Variants in ROBO2 observed in about 807,000 individuals in gnomAD.
ROBO2 encodes the protein roundabout homolog 2.
A neutral mutation model predicts 160.8 loss-of-function variants in ROBO2; 53 were observed. That is an observed-to-expected ratio of 0.33 (90% CI 0.26 to 0.41). The LOEUF (loss-of-function observed/expected upper bound fraction) is 0.41. ROBO2 is among the 10% of genes least tolerant of loss of function. The pLI is 1.00. For missense variants in ROBO2, 1,577 were observed against 1,722.4 expected, an observed-to-expected ratio of 0.92 and a Z score of 1.49; for synonymous variants, 664 against 611.7, an observed-to-expected ratio of 1.09 and a Z score of -1.26.
chr3:76,682,702 G>A (rs1007621613), intron 2 of ROBO2, among the ~76,000 whole-genome samples: 11 of 152,064 alleles, frequency 7.2e-5, no homozygotes, highest in Non-Finnish European at 1.5e-4. Flanking sequence ...CACGGTGCCC[G>A]GCCCAAAAAT....
intron 2 of ROBO2, among the ~76,000 whole-genome samples, chr3:76,236,429 T>C (rs1704949262): frequency 6.6e-6 from 1 of 152,142 alleles, no homozygotes; most frequent in Non-Finnish European, 1.5e-5. Context: ...TGAGGGTCAA[T>C]TTTTACACAT....
At chr3:76,088,298 A>G (rs899211171) in intron 2 of ROBO2, among the ~76,000 whole-genome samples, 6 of 152,062 alleles carry the variant, frequency 3.9e-5, no homozygotes, top group African/African-American at 1.4e-4. Flanking sequence ...ATACCCTACT[A>G]CCATAAATGG....
chr3:76,658,252 G>T (rs1410671426), intron 2 of ROBO2, among the ~76,000 whole-genome samples: 2 of 151,414 alleles, frequency 1.3e-5, no homozygotes, highest in East Asian at 1.9e-4. Flanking sequence ...TCTTCCAGAT[G>T]ATTTTTTCTA....
intron 2 of ROBO2, among the ~76,000 whole-genome samples, chr3:77,180,245 G>GA (rs1193592688): frequency 2.0e-5 from 3 of 151,446 alleles, no homozygotes; most frequent in Admixed American, 6.6e-5. Flanking sequence ...CCCAAGTCTA[G>GA]AAAAAAACAC....
intron 2 of ROBO2, among the ~76,000 whole-genome samples, chr3:76,807,219 T>G (rs2064798363): frequency 6.6e-6 from 1 of 152,058 alleles, no homozygotes; most frequent in Non-Finnish European, 1.5e-5. Flanking sequence ...AAATTATTTA[T>G]TTTTCAGCAT....
chr3:77,165,463 C>A (rs942507240), intron 2 of ROBO2, among the ~76,000 whole-genome samples: 14 of 148,620 alleles, frequency 9.4e-5, no homozygotes, highest in African/African-American at 3.5e-4. Flanking sequence ...AAACCAGAGA[C>A]CTTTGTTCAC....
intron 1 of ROBO2, among the ~76,000 whole-genome samples, chr3:77,072,617 A>G (rs1411348038): frequency 6.6e-6 from 1 of 152,164 alleles, no homozygotes; most frequent in Non-Finnish European, 1.5e-5. Context: ...TCTTCCTGTT[A>G]TATCCCCCTT....
chr3:77,134,654 C>A (rs764724326), intron 2 of ROBO2, among the ~76,000 whole-genome samples: 2 of 152,122 alleles, frequency 1.3e-5, no homozygotes, highest in Non-Finnish European at 2.9e-5. Context: ...CTTCTGAAAC[C>A]CTTTCAGCAC....
chr3:77,216,996 A>T (rs2085061491), intron 2 of ROBO2, among the ~76,000 whole-genome samples: 1 of 152,162 alleles, frequency 6.6e-6, no homozygotes, highest in Non-Finnish European at 1.5e-5. Context: ...CAAGTAATTG[A>T]TGTTAGAGCT....
At chr3:76,810,197 G>A (rs976956275) in intron 2 of ROBO2, among the ~76,000 whole-genome samples, 1 of 151,994 alleles carries the variant, frequency 6.6e-6, no homozygotes, top group Non-Finnish European at 1.5e-5. Context: ...CCATATTGGA[G>A]GGCAGAGAAA....
intron 2 of ROBO2, among the ~76,000 whole-genome samples, chr3:76,928,944 T>G (rs1451525820): frequency 3.9e-5 from 6 of 152,158 alleles, no homozygotes; most frequent in African/African-American, 1.2e-4. Flanking sequence ...TACTCACAGA[T>G]GTAGACATCT....
At chr3:76,518,371 T>A (rs1221321087) in intron 2 of ROBO2, among the ~76,000 whole-genome samples, 4 of 152,084 alleles carry the variant, frequency 2.6e-5, no homozygotes, top group African/African-American at 9.7e-5. Flanking sequence ...GATGTTTTGA[T>A]ACAGGCGTGC....
At chr3:76,167,700 G>T (rs541521653) in intron 2 of ROBO2, among the ~76,000 whole-genome samples, 5 of 152,078 alleles carry the variant, frequency 3.3e-5, no homozygotes, top group African/African-American at 1.2e-4. Context: ...ATAGTATTTA[G>T]ATTTTTTACC....
At chr3:77,237,384 T>C (rs1266333532) in intron 2 of ROBO2, among the ~76,000 whole-genome samples, 1 of 148,620 alleles carries the variant, frequency 6.7e-6, no homozygotes, top group Admixed American at 6.8e-5. Flanking sequence ...TTTTTTTTTC[T>C]TTTTCCTGTT....
chr3:77,408,158 G>A (rs981896972), intron 2 of ROBO2, among the ~76,000 whole-genome samples: 11 of 151,712 alleles, frequency 7.3e-5, no homozygotes, highest in African/African-American at 2.7e-4. Flanking sequence ...TTTTATCTTT[G>A]AGGAACATTC....
chr3:77,554,215 T>G (rs550118305), intron 8 of ROBO2, among the ~76,000 whole-genome samples: 3 of 152,062 alleles, frequency 2.0e-5, no homozygotes, highest in Admixed American at 2.0e-4. Flanking sequence ...ACAGCATGGT[T>G]TACCTACCGA....
intron 14 of ROBO2, among the ~76,000 whole-genome samples, chr3:77,576,022 T>C (rs1280938359): frequency 6.6e-6 from 1 of 152,090 alleles, no homozygotes; most frequent in Admixed American, 6.6e-5. Context: ...AGAACGAAGC[T>C]GAGTCCTGGA....
chr3:76,852,408 G>A (rs1464434914), intron 2 of ROBO2, among the ~76,000 whole-genome samples: 3 of 152,136 alleles, frequency 2.0e-5, no homozygotes, highest in Non-Finnish European at 2.9e-5. Flanking sequence ...TTTAATAACA[G>A]AGGCTCTAAA....
intron 2 of ROBO2, among the ~76,000 whole-genome samples, chr3:76,851,741 C>CAAAAAAAAAAAAAAAAAAA (rs71104629): frequency 3.2e-5 from 2 of 63,266 alleles, no homozygotes; most frequent in African/African-American, 1.3e-4. Flanking sequence ...GACTCCGTCT[C>CAAAAAAAAAAAAAAAAAAA]AAAAAAAAAA....
Sources: gnomAD v4.1 joint callset for allele counts (sites outside exome capture counted in the v4.1 genomes callset) on GRCh38, gnomAD v4.1.1 for gene constraint, MANE v1.5 for transcripts, NCBI Gene and HGNC (gene_info 2026-07-23, HGNC 2026-07-21) for gene names.